FBXW4: variants seen among roughly 807,000 people sequenced by gnomAD.
FBXW4 encodes the protein F-box/WD repeat-containing protein 4.
A neutral mutation model predicts 61.8 loss-of-function variants in FBXW4; 40 were observed. That is an observed-to-expected ratio of 0.65 (90% CI 0.50 to 0.84). FBXW4 has a LOEUF of 0.84. Among genes scored for constraint, FBXW4 ranks in the 40% least tolerant of loss-of-function variants. FBXW4 has a pLI of 0.00. For synonymous variants in FBXW4, 311 were observed against 313.8 expected (o/e 0.99, Z 0.10); for missense variants, 672 against 753.8 (o/e 0.89, Z 1.27).
At chr10:101,659,495 C>T (rs1287718388) in intron 5 of FBXW4, 8 of 940,132 alleles carry the variant, frequency 8.5e-6, no homozygotes, top group East Asian at 2.3e-4. Flanking sequence ...TAGAGACCAG[C>T]AGTGGGAAAA....
chr10:101,659,326 C>A (rs2064220875), intron 5 of FBXW4: 1 of 935,908 alleles, frequency 1.1e-6, no homozygotes, highest in African/African-American at 1.8e-5. Flanking sequence ...GCAGATAAGT[C>A]ATGGATGGTT....
At chr10:101,648,433 T>C (rs1229382958) in intron 5 of FBXW4, among the ~76,000 whole-genome samples, 1 of 152,160 alleles carries the variant, frequency 6.6e-6, no homozygotes, top group East Asian at 1.9e-4. Flanking sequence ...AGAACTTAGG[T>C]AAGTCACTTC....
At chr10:101,636,460 A>T (rs977793308) in intron 5 of FBXW4, among the ~76,000 whole-genome samples, 5 of 152,028 alleles carry the variant, frequency 3.3e-5, no homozygotes, top group Non-Finnish European at 2.9e-5. Context: ...ACAAACACAC[A>T]TAGTATTTAA....
chr10:101,693,453 T>C (rs183479036), intron 1 of FBXW4, among the ~76,000 whole-genome samples: 4 of 152,358 alleles, frequency 2.6e-5, no homozygotes, highest in Admixed American at 1.3e-4. Flanking sequence ...AAACATTTAC[T>C]ATGTACCTAT....
In FBXW4 at chr10:101,694,964, C is replaced by A; in HGVS notation, c.142G>T (p.Gly48Trp). Residue 48 changes from glycine to tryptophan, a missense_variant, in exon 1 of 9, where the codon GGG becomes TGG. Transcript: ENST00000331272. This position sits in a 1 kb window ranked among gnomAD's most constrained non-coding sequence, Gnocchi z 6.0. The stretch of plus-strand genomic sequence containing the variant: ...GCCCCGCTTCCTCTTCCGCCTTGCC[C>A]CGCTCTCGCTTTTCCCTTCCCCTTC... ...KGKGKGKARA[G>W]QGGRGSGAEG... The A allele has an allele frequency of 8.3e-7, 1 of 1,208,342 alleles. No homozygotes were observed. The highest frequency in any genetic ancestry group is 1.0e-6 in the Non-Finnish European group (1 of 971,972). The allele number at this position is 1,208,342 out of a possible 1,614,324, so 74.9% of individuals were successfully genotyped here.
At chr10:101,615,564 C>T (rs990239911) in intron 6 of FBXW4, among the ~76,000 whole-genome samples, 4 of 151,996 alleles carry the variant, frequency 2.6e-5, no homozygotes, top group African/African-American at 4.8e-5. Context: ...ACTACCTGGA[C>T]AAGAAGAAGC....
At chr10:101,634,036 C>T (rs2063980794) in intron 5 of FBXW4, among the ~76,000 whole-genome samples, 1 of 152,082 alleles carries the variant, frequency 6.6e-6, no homozygotes, top group African/African-American at 2.4e-5. Flanking sequence ...TCACTTGAAA[C>T]TGGGAGAGGG....
At chr10:101,691,774 T>A (rs1008677278) in intron 1 of FBXW4, among the ~76,000 whole-genome samples, 10 of 151,954 alleles carry the variant, frequency 6.6e-5, no homozygotes, top group African/African-American at 2.4e-4. Flanking sequence ...TTTGAAAGAG[T>A]TATTCTCATG....
chr10:101,627,555 A>G (rs1589745960), intron 5 of FBXW4, among the ~76,000 whole-genome samples: 1 of 152,190 alleles, frequency 6.6e-6, no homozygotes, highest in South Asian at 2.1e-4. Context: ...TCCCATGGTC[A>G]TTAGGAAGAA....
At chr10:101,649,696 C>T (rs913178993) in intron 5 of FBXW4, among the ~76,000 whole-genome samples, 1 of 152,208 alleles carries the variant, frequency 6.6e-6, no homozygotes, top group Non-Finnish European at 1.5e-5. Flanking sequence ...ATTCCCAAGA[C>T]AGTCTGAAGG....
At chr10:101,688,888 G>A (rs1315158935) in intron 1 of FBXW4, among the ~76,000 whole-genome samples, 1 of 151,966 alleles carries the variant, frequency 6.6e-6, no homozygotes, top group African/African-American at 2.4e-5. Context: ...TTGGAGCCTG[G>A]TCTCAATAAG....
Position 101,694,230 on chromosome 10 carries a change from G to T in FBXW4, c.725+151C>A. The T allele has an allele frequency of 1.4e-6, 1 of 711,130 alleles. No homozygotes were observed. Among genetic ancestry groups the T allele is most frequent in the Non-Finnish European group, 2.0e-6 (1 of 499,118 alleles). 44.1% of individuals were successfully genotyped at this position (711,130 alleles called of 1,614,324 possible). A position where few individuals can be genotyped will look rare whatever the true frequency, so the allele number is the denominator to read the frequency against. On this transcript the variant is annotated intron_variant, in intron 1 of 8. Coordinates refer to ENST00000331272, the MANE Select transcript of FBXW4 (RefSeq NM_022039.4). The surrounding 1 kb of genome is among the most constrained non-coding windows in gnomAD (Gnocchi z 6.0). Reference sequence around the variant, plus strand: ...GAGGGGCAAAGGGGTCCCCGAGAGTGCTCGGGAAAGGGTGTAGGCGGAGGT... The same window carrying T: ...GAGGGGCAAAGGGGTCCCCGAGAGTTCTCGGGAAAGGGTGTAGGCGGAGGT...
intron 2 of FBXW4, 84 bp from the exon 3 acceptor site, chr10:101,673,757 C>A: frequency 7.6e-7 from 1 of 1,315,508 alleles, no homozygotes; most frequent in Non-Finnish European, 1.1e-6. Flanking sequence ...GCTGACCAAT[C>A]CCCAACTTAG....
intron 2 of FBXW4, among the ~76,000 whole-genome samples, chr10:101,674,211 C>T (rs1042939791): frequency 6.6e-6 from 1 of 152,016 alleles, no homozygotes; most frequent in Non-Finnish European, 1.5e-5. Flanking sequence ...CGCCGGTAAT[C>T]CCAGCTACTC....
chr10:101,672,835 A>G, intron 4 of FBXW4, 80 bp downstream of exon 4: 1 of 1,523,914 alleles, frequency 6.6e-7, no homozygotes, highest in Non-Finnish European at 8.9e-7. Context: ...CTCTCAGCCA[A>G]TCCTGAGACT....
chr10:101,677,531 T>C (rs1340848690), intron 1 of FBXW4, among the ~76,000 whole-genome samples: 1 of 152,214 alleles, frequency 6.6e-6, no homozygotes, highest in African/African-American at 2.4e-5. Context: ...GGATGGAGAC[T>C]GACTAGGAAA....
At chr10:101,660,183 T>C (rs2064228738) in intron 5 of FBXW4, 2 of 985,406 alleles carry the variant, frequency 2.0e-6, no homozygotes, top group Non-Finnish European at 2.4e-6. Flanking sequence ...AGCACCTTCA[T>C]TTGAGGAGTA....
chr10:101,611,335 C>T lies in FBXW4; in HGVS notation c.1660G>A (p.Ala554Thr), dbSNP rs755116504. Reference protein sequence around the residue: ...LRLTTKHLYAALSYNLHVLDF... With the variant: ...LRLTTKHLYATLSYNLHVLDF... Reference sequence around the variant, plus strand: ...AGGACGTGGAGGTTGTAAGACAGGGCAGCATAGAGATGCTTGGTGGTGAGA... The same window carrying T: ...AGGACGTGGAGGTTGTAAGACAGGGTAGCATAGAGATGCTTGGTGGTGAGA... Residue 554 changes from alanine to threonine, a missense_variant, in exon 9 of 9, where the codon GCC becomes ACC. Ala to Thr is a moderately conservative substitution (Grantham distance 58). Coordinates refer to ENST00000331272, the MANE Select transcript of FBXW4 (RefSeq NM_022039.4). The surrounding 1 kb of genome is among the most constrained non-coding windows in gnomAD (Gnocchi z 4.9). 6 of 1,613,990 alleles carry T rather than the reference C, an allele frequency of 3.7e-6. No homozygotes were observed. Among genetic ancestry groups the T allele is most frequent in the Admixed American group, 3.3e-5 (2 of 59,984 alleles).
chr10:101,674,672 C>A lies in FBXW4; in HGVS notation c.822-999G>T, dbSNP rs1270344928. 4.6e-5 allele frequency among the ~76,000 whole-genome samples: 7 copies of A among 152,280 alleles called. No individual in the cohort carries two copies. In the East Asian group the frequency reaches 1.3e-3, roughly 29 times the overall value. On this transcript the variant is annotated intron_variant, in intron 2 of 8. Transcript: ENST00000331272. Reference sequence around the variant, plus strand: ...AAGTGTGGCAATGGAAAAACACAGCCCCAGAGCATTCTGCTACAGTTCAGG... The same window carrying A: ...AAGTGTGGCAATGGAAAAACACAGCACCAGAGCATTCTGCTACAGTTCAGG...
Sources: gnomAD v4.1 joint callset for allele counts (sites outside exome capture counted in the v4.1 genomes callset) on GRCh38, gnomAD v4.1.1 for gene constraint, Gnocchi (gnomAD v3.1) non-coding constraint, MANE v1.5 for transcripts, NCBI Gene and HGNC (gene_info 2026-07-23, HGNC 2026-07-21) for gene names.